DGKB: variants seen among roughly 807,000 people sequenced by gnomAD.
DGKB encodes the protein 90 kDa diacylglycerol kinase.
DGKB carries 67 observed loss-of-function variants against 114.3 expected under a neutral mutation model. The observed-to-expected ratio is 0.59, with a 90% confidence interval of 0.48 to 0.72. DGKB has a LOEUF of 0.72. Among genes scored for constraint, DGKB ranks in the 30% least tolerant of loss-of-function variants. The pLI, the probability that DGKB is intolerant of heterozygous loss-of-function variation, is 0.00. For missense variants in DGKB, 907 were observed against 975.2 expected (o/e 0.93, Z 0.93); for synonymous variants, 398 against 323.1 (o/e 1.23, Z -2.49).
At chr7:14,518,365 G>A (rs1232959864) in intron 20 of DGKB, among the ~76,000 whole-genome samples, 3 of 151,902 alleles carry the variant, frequency 2.0e-5, no homozygotes, top group Admixed American at 6.6e-5. Flanking sequence ...TGGGTACTGT[G>A]CTTATTACCT....
intron 17 of DGKB, among the ~76,000 whole-genome samples, chr7:14,595,162 C>G (rs1378145005): frequency 6.6e-6 from 1 of 151,724 alleles, no homozygotes; most frequent in African/African-American, 2.4e-5. Context: ...AATTGGGGGA[C>G]AGAAGTGAGG....
At chr7:14,353,341 G>A (rs191124829) in intron 21 of DGKB, among the ~76,000 whole-genome samples, 2 of 152,248 alleles carry the variant, frequency 1.3e-5, no homozygotes, top group African/African-American at 2.4e-5. Context: ...GCTGACTAAT[G>A]GAACCTGAGG....
chr7:14,420,695 A>G (rs573566840), intron 21 of DGKB, among the ~76,000 whole-genome samples: 2 of 152,208 alleles, frequency 1.3e-5, no homozygotes, highest in South Asian at 4.1e-4. Context: ...AGTTTCATTT[A>G]CCTTAAACTT....
intron 20 of DGKB, among the ~76,000 whole-genome samples, chr7:14,552,532 C>T (rs948195746): frequency 6.6e-6 from 1 of 152,154 alleles, no homozygotes; most frequent in Non-Finnish European, 1.5e-5. Context: ...AACCCTCCTC[C>T]CTCCCTGTCT....
intron 20 of DGKB, among the ~76,000 whole-genome samples, chr7:14,501,407 A>G (rs982860164): frequency 8.6e-5 from 13 of 151,942 alleles, no homozygotes; most frequent in African/African-American, 2.7e-4. Flanking sequence ...CATAAGAAAC[A>G]TACAAAGTTT....
At chr7:14,208,782 T>C (rs1787251706) in intron 23 of DGKB, among the ~76,000 whole-genome samples, 1 of 152,010 alleles carries the variant, frequency 6.6e-6, no homozygotes, top group South Asian at 2.1e-4. Context: ...CTTGATTCTT[T>C]ATTCACTGAA....
chr7:14,588,967 T>A (rs969307722), intron 17 of DGKB, among the ~76,000 whole-genome samples: 17 of 152,066 alleles, frequency 1.1e-4, no homozygotes, highest in African/African-American at 4.1e-4. Flanking sequence ...TAAAACTATA[T>A]ATTAATTTTG....
At chr7:14,355,351 G>C (rs1814246077) in intron 21 of DGKB, among the ~76,000 whole-genome samples, 1 of 152,192 alleles carries the variant, frequency 6.6e-6, no homozygotes, top group Non-Finnish European at 1.5e-5. Context: ...TCCCTGTCTT[G>C]TGCTGGTTTT....
chr7:14,913,079 T>A (rs1784071430), intron 1 of DGKB, among the ~76,000 whole-genome samples: 1 of 152,250 alleles, frequency 6.6e-6, no homozygotes, highest in East Asian at 1.9e-4. Flanking sequence ...GCACTCTTCT[T>A]AGCTTCGCCA....
At chr7:14,183,293 T>A (rs1289610088) in intron 23 of DGKB, among the ~76,000 whole-genome samples, 1 of 152,224 alleles carries the variant, frequency 6.6e-6, no homozygotes, top group African/African-American at 2.4e-5. Flanking sequence ...TCTAATTGAT[T>A]CTTAATTTAG....
At chr7:14,199,962 TAC>T (rs939088437) in intron 23 of DGKB, among the ~76,000 whole-genome samples, 1 of 151,972 alleles carries the variant, frequency 6.6e-6, no homozygotes, top group Non-Finnish European at 1.5e-5. Flanking sequence ...TATAGTGGTG[TAC>T]AGGGCACAAA....
intron 3 of DGKB, among the ~76,000 whole-genome samples, chr7:14,756,852 G>A (rs1363875935): frequency 6.6e-6 from 1 of 151,876 alleles, no homozygotes; most frequent in Non-Finnish European, 1.5e-5. Flanking sequence ...GAAGTATGAA[G>A]CAACGTAAAT....
chr7:14,360,866 T>A (rs969471324), intron 21 of DGKB, among the ~76,000 whole-genome samples: 2 of 152,120 alleles, frequency 1.3e-5, no homozygotes, highest in African/African-American at 4.8e-5. Context: ...AGTTAATACT[T>A]TTCAATTATC....
intron 20 of DGKB, among the ~76,000 whole-genome samples, chr7:14,531,531 C>T (rs1268125655): frequency 6.6e-6 from 1 of 151,296 alleles, no homozygotes; most frequent in African/African-American, 2.4e-5. Flanking sequence ...AACTAAGAAA[C>T]GTTGCTGCGA....
intron 1 of DGKB, among the ~76,000 whole-genome samples, chr7:14,881,705 A>G (rs1854261591): frequency 6.6e-6 from 1 of 152,050 alleles, no homozygotes; most frequent in Non-Finnish European, 1.5e-5. Flanking sequence ...CCTATTTACT[A>G]TTGACCTGAA....
At chr7:14,242,417 A>G (rs1053452651) in intron 23 of DGKB, among the ~76,000 whole-genome samples, 1 of 152,074 alleles carries the variant, frequency 6.6e-6, no homozygotes, top group Non-Finnish European at 1.5e-5. Context: ...AGCTTATGTC[A>G]CTCACAGTAA....
At chr7:14,469,846 T>C (rs1252306460) in intron 21 of DGKB, among the ~76,000 whole-genome samples, 2 of 151,982 alleles carry the variant, frequency 1.3e-5, no homozygotes. Flanking sequence ...TATATAAATA[T>C]GATAAAATGA....
intron 2 of DGKB, among the ~76,000 whole-genome samples, chr7:14,831,359 T>C (rs1302860964): frequency 6.6e-6 from 1 of 152,042 alleles, no homozygotes; most frequent in Non-Finnish European, 1.5e-5. Flanking sequence ...TTTCTGTACA[T>C]TTCACAAGCA....
At chr7:14,709,517 G>A (rs200955502) in intron 6 of DGKB, among the ~76,000 whole-genome samples, 26,948 of 101,192 alleles carry the variant, frequency 0.27, 3,789 homozygotes, top group East Asian at 0.74. Context: ...ACATGCACAC[G>A]TATGTTTATT....
Sources: allele counts gnomAD v4.1 joint callset (sites outside exome capture counted in the v4.1 genomes callset), GRCh38; gene constraint gnomAD v4.1.1; transcripts MANE v1.5; gene names NCBI Gene and HGNC (gene_info 2026-07-23, HGNC 2026-07-21).